CFAP54: variants seen among roughly 807,000 people sequenced by gnomAD.
CFAP54 encodes the protein cilia- and flagella-associated protein 54.
In CFAP54, 290 loss-of-function variants were observed where a neutral mutation model predicts 370.4. That is an observed-to-expected ratio of 0.78 (90% CI 0.71 to 0.86). The LOEUF (loss-of-function observed/expected upper bound fraction) is 0.86, where lower values mean the gene tolerates loss of function less well. Among genes scored for constraint, CFAP54 ranks in the 40% least tolerant of loss-of-function variants. The pLI, the probability that CFAP54 is intolerant of heterozygous loss-of-function variation, is 0.00. For synonymous variants in CFAP54, 1,206 were observed against 1,236.5 expected (o/e 0.98, Z 0.52); for missense variants, 3,399 against 3,528.7 (o/e 0.96, Z 0.93).
chr12:96,707,883 A>G (rs557450384), intron 47 of CFAP54, among the ~76,000 whole-genome samples: 1 of 152,078 alleles, frequency 6.6e-6, no homozygotes, highest in Non-Finnish European at 1.5e-5. Flanking sequence ...GTTAGAATTT[A>G]GAGGAGAGAA....
intron 48 of CFAP54, among the ~76,000 whole-genome samples, chr12:96,716,611 G>A (rs1198266311): frequency 6.6e-6 from 1 of 152,132 alleles, no homozygotes; most frequent in East Asian, 1.9e-4. Context: ...CAAGGGTTTA[G>A]TTCTTGCTCA....
chr12:96,646,009 C>T (rs1294915972), intron 33 of CFAP54: 1 of 152,054 alleles, frequency 6.6e-6, no homozygotes, highest in African/African-American at 2.4e-5. Context: ...AGAAGAAAAC[C>T]TAGGCAATAC....
At position 96,829,087 on chromosome 12, in the gene CFAP54, A is replaced by C. The variant is rs1427513694; in HGVS notation, c.9170A>C (p.Glu3057Ala). The change falls in exon 66 of 68, where the codon GAG (glutamate) becomes GCG (alanine). Residue 3057 changes from glutamate (E) to alanine (A), a missense_variant and splice_region_variant. Physicochemically the swap from Glu to Ala is moderately radical, Grantham distance 107. This residue lies in a region of CFAP54 where 2,796 missense variants were observed against 2,869.7 expected (regional missense o/e 0.97). Coordinates refer to ENST00000524981, the MANE Select transcript of CFAP54 (RefSeq NM_001306084.2). The part of the protein sequence containing the change: ...LNDKEPTPLS[E>A]VPFDISLPSI... ...GATAAAGAGCCAACACCACTATCTGAGGTATGTATTTCTCCTTTAAAATTG... is the reference window on the plus strand; with the variant it reads ...GATAAAGAGCCAACACCACTATCTGCGGTATGTATTTCTCCTTTAAAATTG... 1 of 1,485,652 alleles carries C rather than the reference A, an allele frequency of 6.7e-7. No individual in the cohort carries two copies. Among genetic ancestry groups the C allele is most frequent in the Admixed American group, 2.0e-5 (1 of 50,256 alleles). The allele number at this position is 1,485,652 out of a possible 1,614,324, so 92.0% of individuals were successfully genotyped here.
intron 45 of CFAP54, among the ~76,000 whole-genome samples, chr12:96,699,036 C>G (rs1431272602): frequency 6.6e-6 from 1 of 152,152 alleles, no homozygotes; most frequent in Non-Finnish European, 1.5e-5. Flanking sequence ...AGCCCACAAT[C>G]AGTCTGATTG....
Position 96,756,566 on chromosome 12 carries a change from A to G in CFAP54, c.7946+3A>G, listed in dbSNP as rs774028825. Reference sequence around the variant, plus strand: ...CTGAAAAATGATCAAAACTCAGGGTAAAAAGATATTCCATTGTTGTAGCTG... The same window carrying G: ...CTGAAAAATGATCAAAACTCAGGGTGAAAAGATATTCCATTGTTGTAGCTG... On this transcript the variant is annotated splice_donor_region_variant and intron_variant, in intron 57 of 67. Transcript: ENST00000524981. 54 of 1,559,088 alleles carry G rather than the reference A, an allele frequency of 3.5e-5. No homozygotes were observed. The highest frequency in any genetic ancestry group is 4.3e-5 in the Non-Finnish European group (49 of 1,134,080).
Position 96,623,859 on chromosome 12 carries a change from C to G in CFAP54, c.3864C>G (p.His1288Gln). The stretch of plus-strand genomic sequence containing the variant: ...AACAGCTGGCCTTGTTGGAGACACA[C>G]CTACTCAAACTGACAAAGCAATGTA... ...INEQLALLETHLLKLTKQYVT... is the reference protein window; with the variant it reads ...INEQLALLETQLLKLTKQYVT... The change falls in exon 28 of 68, where the codon CAC becomes CAG. Residue 1288 changes from histidine (H) to glutamine (Q), a missense_variant. His to Gln is a conservative substitution (Grantham distance 24). This residue lies in a region of CFAP54 where 2,796 missense variants were observed against 2,869.7 expected (regional missense o/e 0.97). Transcript: ENST00000524981. 6.5e-7 allele frequency: 1 copy of G among 1,533,434 alleles called. No individual in the cohort carries two copies. The highest frequency in any genetic ancestry group is 1.2e-5 in the South Asian group (1 of 83,928). The allele number at this position is 1,533,434 out of a possible 1,614,324, so 95.0% of individuals were successfully genotyped here.
At chr12:96,491,309 T>C (rs1185775122) in intron 1 of CFAP54, among the ~76,000 whole-genome samples, 2 of 152,102 alleles carry the variant, frequency 1.3e-5, no homozygotes, top group Admixed American at 6.6e-5. Flanking sequence ...AATTGTATTG[T>C]GGGAAGAGCA....
At position 96,647,949 on chromosome 12, in the gene CFAP54, T is replaced by C. The variant is rs1206528501; in HGVS notation, c.4622T>C (p.Val1541Ala). Reference protein sequence around the residue: ...GTVLPTRKLTVENYKAMLDFL... With the variant: ...GTVLPTRKLTAENYKAMLDFL... ...GTATTACCAACAAGAAAATTGACTG[T>C]AGAAAATTATAAAGCAATGCTTGAT... Residue 1541 changes from valine to alanine, a missense_variant, in exon 34 of 68, where the codon GTA becomes GCA. By Grantham distance (64) the Val-to-Ala change is moderately conservative (BLOSUM62 0). This residue lies in a region of CFAP54 where 2,796 missense variants were observed against 2,869.7 expected (regional missense o/e 0.97). Transcript: ENST00000524981. The C allele has an allele frequency of 1.3e-6, 2 of 1,523,620 alleles. No homozygotes were observed. Among genetic ancestry groups the C allele is most frequent in the South Asian group, 1.2e-5 (1 of 80,658 alleles). The allele number at this position is 1,523,620 out of a possible 1,614,324, so 94.4% of individuals were successfully genotyped here.
At chr12:96,822,990 A>G (rs769295755) in intron 65 of CFAP54, among the ~76,000 whole-genome samples, 12 of 152,110 alleles carry the variant, frequency 7.9e-5, no homozygotes, top group Non-Finnish European at 1.5e-4. Flanking sequence ...CTATTTCCCC[A>G]TTATCTACAT....
intron 33 of CFAP54, chr12:96,646,558 T>A (rs1317891538): frequency 1.3e-5 from 2 of 152,172 alleles, no homozygotes; most frequent in Non-Finnish European, 2.9e-5. Flanking sequence ...TCCTCAGGGA[T>A]CTAGAACTAG....
At chr12:96,825,270 A>G (rs528311745) in intron 65 of CFAP54, among the ~76,000 whole-genome samples, 98 of 58,216 alleles carry the variant, frequency 1.7e-3, no homozygotes, top group African/African-American at 6.5e-3. Flanking sequence ...TATATAATAT[A>G]ACATGTTATA....
chr12:96,572,581 G>T (rs912938000), intron 19 of CFAP54, among the ~76,000 whole-genome samples: 88 of 152,232 alleles, frequency 5.8e-4, no homozygotes, highest in African/African-American at 2.0e-3. Context: ...ACTTTATCTG[G>T]CAAGTATTAG....
intron 36 of CFAP54, among the ~76,000 whole-genome samples, chr12:96,656,694 T>C (rs115156885): frequency 0.012 from 1,805 of 152,306 alleles, 37 homozygotes; most frequent in African/African-American, 0.041. Flanking sequence ...AGCTTCATTG[T>C]TGATAAACAC....
chr12:96,633,503 T>A (rs1438229195), intron 32 of CFAP54, among the ~76,000 whole-genome samples: 2 of 152,224 alleles, frequency 1.3e-5, no homozygotes, highest in Admixed American at 6.5e-5. Context: ...GTATATTCTA[T>A]GCAATCTGTA....
intron 39 of CFAP54, among the ~76,000 whole-genome samples, chr12:96,674,149 C>A (rs1170764670): frequency 6.6e-6 from 1 of 152,110 alleles, no homozygotes; most frequent in African/African-American, 2.4e-5. Context: ...TTGGAATTTT[C>A]AGCCCTTTGG....
chr12:96,859,465 G>T (rs903287549), intron 66 of CFAP54, among the ~76,000 whole-genome samples: 1 of 152,000 alleles, frequency 6.6e-6, no homozygotes, highest in East Asian at 1.9e-4. Context: ...GAGAGCAATG[G>T]CATGATCTTG....
chr12:96,841,723 G>A (rs538280936), intron 66 of CFAP54, among the ~76,000 whole-genome samples: 5 of 152,202 alleles, frequency 3.3e-5, no homozygotes, highest in African/African-American at 9.6e-5. Flanking sequence ...TCCCAGTTTC[G>A]CCCTTGCGAA....
Position 96,757,674 on chromosome 12 carries a change from C to G in CFAP54, c.8040+86C>G, listed in dbSNP as rs575045180. On this transcript the variant is annotated intron_variant, in intron 58 of 67. Coordinates refer to ENST00000524981, the MANE Select transcript of CFAP54 (RefSeq NM_001306084.2). Reference sequence around the variant, plus strand: ...ACACTGTGCTATTGAAATAATGAGGCTGATTTTCCTGTGTGGCTTGGAGAA... The same window carrying G: ...ACACTGTGCTATTGAAATAATGAGGGTGATTTTCCTGTGTGGCTTGGAGAA... 28 of 627,580 alleles carry G rather than the reference C, an allele frequency of 4.5e-5. No individual in the cohort carries two copies. The African/African-American group carries it at 5.0e-4, about 11-fold the overall frequency. The allele number at this position is 627,580 out of a possible 1,614,324, so 38.9% of individuals were successfully genotyped here.
intron 39 of CFAP54, among the ~76,000 whole-genome samples, chr12:96,667,556 T>G (rs1957096117): frequency 6.6e-6 from 1 of 152,156 alleles, no homozygotes; most frequent in South Asian, 2.1e-4. Flanking sequence ...CTTAACCCCT[T>G]CTAGCTATGG....
Sources: allele counts gnomAD v4.1 joint callset (sites outside exome capture counted in the v4.1 genomes callset), GRCh38; gene constraint gnomAD v4.1.1; regional missense constraint gnomAD v4.1.1; transcripts MANE v1.5; gene names NCBI Gene and HGNC (gene_info 2026-07-23, HGNC 2026-07-21).